Variants in SYNPO observed in about 807,000 individuals in gnomAD.
SYNPO encodes synaptopodin.
A neutral mutation model predicts 49.5 loss-of-function variants in SYNPO; 19 were observed. The observed-to-expected ratio is 0.38, with a 90% CI of 0.27 to 0.56. The LOEUF is 0.56. Among genes scored for constraint, SYNPO ranks in the 20% least tolerant of loss-of-function variants. The probability of loss-of-function intolerance (pLI) is 0.68; values close to 1 mark genes in which losing one functional copy is unlikely to be tolerated. For synonymous variants in SYNPO, 536 were observed against 548.0 expected, an observed-to-expected ratio of 0.98 and a Z score of 0.31; for missense variants, 1,131 against 1,248.3, an observed-to-expected ratio of 0.91 and a Z score of 1.42.
chr5:150,653,859 G>A (rs970401054), intron 2 of SYNPO: 1 of 152,214 alleles, frequency 6.6e-6, no homozygotes, highest in African/African-American at 2.4e-5. Context: ...TCCCTAGGGA[G>A]TCTCTAAGGG....
chr5:150,631,138 C>T (rs543799417), intron 2 of SYNPO, among the ~76,000 whole-genome samples: 152 of 152,320 alleles, frequency 1.0e-3, no homozygotes, highest in African/African-American at 3.4e-3. Flanking sequence ...CATGCATTTG[C>T]TCTTTTACTT....
At chr5:150,599,707 G>A (rs569188877), upstream of SYNPO, among the ~76,000 whole-genome samples, 1 of 152,174 alleles carries the variant, frequency 6.6e-6, no homozygotes, top group Non-Finnish European at 1.5e-5. Context: ...GGGGGTCGGC[G>A]GTGGGGGCTT....
At chr5:150,608,673 G>A (rs2151346031) in intron 1 of SYNPO, among the ~76,000 whole-genome samples, 1 of 152,226 alleles carries the variant, frequency 6.6e-6, no homozygotes, top group Admixed American at 6.5e-5. Flanking sequence ...CTTGCAAAGA[G>A]TGAGGGTTCC....
At chr5:150,628,067 G>GTGTGTGTGTGTGTGT (rs1561643388) in intron 2 of SYNPO, among the ~76,000 whole-genome samples, 96 of 126,784 alleles carry the variant, frequency 7.6e-4, no homozygotes, top group African/African-American at 2.8e-3. Flanking sequence ...TGTGTGTGTG[G>GTGTGTGTGTGTGTGT]TCAGAGTCTT....
At chr5:150,628,279 G>A (rs1020097490) in intron 2 of SYNPO, among the ~76,000 whole-genome samples, 1 of 152,156 alleles carries the variant, frequency 6.6e-6, no homozygotes, top group Non-Finnish European at 1.5e-5. Context: ...AGGCAGGGTC[G>A]TATAGTACTG....
chr5:150,651,626 G>A, intron 2 of SYNPO: 1 of 1,002,540 alleles, frequency 1.0e-6, no homozygotes, highest in Non-Finnish European at 1.2e-6. Context: ...GCTCAGGATT[G>A]CCTGGGGACA....
chr5:150,602,322 G>A (rs1047895892), intron 1 of SYNPO, among the ~76,000 whole-genome samples: 4 of 152,188 alleles, frequency 2.6e-5, no homozygotes, highest in African/African-American at 7.2e-5. Flanking sequence ...CCCCACAATG[G>A]CAGAGTTGGG....
chr5:150,600,441 G>C (rs1040717498), upstream of SYNPO, among the ~76,000 whole-genome samples: 3 of 152,240 alleles, frequency 2.0e-5, no homozygotes, highest in Non-Finnish European at 2.9e-5. Flanking sequence ...CCCTCCTGTT[G>C]AAAGAAGAAG....
rs528390188 is a variant in SYNPO, at chr5:150,605,783, C to G, written c.-266+4595C>G. On this transcript the variant is annotated intron_variant, in intron 1 of 2. Transcript: ENST00000394243. ...ATACACACACACACACACACACACA[C>G]AGATATGCACACACTGATACACAGA... is the stretch of plus-strand genomic sequence containing the variant. Among the ~76,000 whole-genome samples, 5 of 149,510 alleles carry G rather than the reference C, an allele frequency of 3.3e-5. No individual in the cohort carries two copies. The East Asian group carries it at 5.9e-4, about 18-fold the overall frequency.
intron 1 of SYNPO, among the ~76,000 whole-genome samples, chr5:150,604,070 G>A (rs1756625584): frequency 6.6e-6 from 1 of 152,186 alleles, no homozygotes; most frequent in Non-Finnish European, 1.5e-5. Flanking sequence ...CCATGATCAG[G>A]GGCATAGCCT....
Position 150,618,938 on chromosome 5 carries a change from G to A in SYNPO, c.400+171G>A, listed in dbSNP as rs115708574. On this transcript the variant is annotated intron_variant, in intron 2 of 2. Transcript: ENST00000394243. ...AGAGATAGGAGCGACAGCGAGCTAC[G>A]TGCAGTTCCAGCTGCACCACATCTA... Among the ~76,000 whole-genome samples the A allele has an allele frequency of 5.4e-3, 824 of 152,166 alleles. 4 individuals are homozygous for A. The highest frequency in any genetic ancestry group is 0.019 in the African/African-American group (769 of 41,500).
In SYNPO at chr5:150,649,861, T is replaced by A; in HGVS notation, c.1586T>A (p.Phe529Tyr). Residue 529 changes from phenylalanine to tyrosine, a missense_variant, in exon 2 of 3, where the codon TTC (phenylalanine) becomes TAC (tyrosine). By Grantham distance (22) the Phe-to-Tyr change is conservative. Transcript: ENST00000307662. ...WKYPTNAPGA[F>Y]RVASRSPART... ...TACCCCACTAACGCCCCCGGGGCCT[T>A]CCGAGTGGCATCCCGAAGCCCAGCC... 6.2e-7 allele frequency: 1 copy of A among 1,608,864 alleles called. No individual in the cohort carries two copies. The highest frequency in any genetic ancestry group is 8.5e-7 in the Non-Finnish European group (1 of 1,179,950).
Position 150,650,120 on chromosome 5 carries a change from G to A in SYNPO, c.1845G>A (p.Arg615=). The A allele has an allele frequency of 2.5e-6, 4 of 1,612,772 alleles. No individual in the cohort carries two copies. Among genetic ancestry groups the A allele is most frequent in the Non-Finnish European group, 3.4e-6 (4 of 1,179,640 alleles). ...GALPPSPALP[R]PSRSSPGLYT... ...TCCCTCCATCTCCTGCCCTGCCTCG[G>A]CCCTCGCGCTCCTCACCGGGCCTCT... Residue 615 remains arginine, a synonymous_variant, in exon 2 of 3, where the codon CGG becomes CGA. Coordinates refer to ENST00000307662, the MANE Select transcript of SYNPO (RefSeq NM_007286.6).
At chr5:150,586,874 A>G in the SYNPO span, among the ~76,000 whole-genome samples, 1 of 150,030 alleles carries the variant, frequency 6.7e-6, no homozygotes, top group East Asian at 2.0e-4. Context: ...ATGTGTATGT[A>G]GATGCATGTA....
At chr5:150,627,571 AATC>A (rs913886917) in intron 2 of SYNPO, among the ~76,000 whole-genome samples, 5 of 152,204 alleles carry the variant, frequency 3.3e-5, no homozygotes, top group South Asian at 2.1e-4. Flanking sequence ...GAAGCAAATA[AATC>A]ATCAAGATAA....
At chr5:150,638,234 T>G (rs1269889862), upstream of SYNPO, among the ~76,000 whole-genome samples, 1 of 152,198 alleles carries the variant, frequency 6.6e-6, no homozygotes, top group Admixed American at 6.5e-5. Context: ...CCTGGATTGC[T>G]TCATCCTAAT....
intron 2 of SYNPO, among the ~76,000 whole-genome samples, chr5:150,632,485 G>C (rs1757573597): frequency 6.6e-6 from 1 of 152,220 alleles, no homozygotes; most frequent in Non-Finnish European, 1.5e-5. Context: ...AGGAGGGGGA[G>C]GAGTGTGGAG....
intron 1 of SYNPO, chr5:150,615,240 A>G (rs1037569746): frequency 6.6e-6 from 1 of 151,668 alleles, no homozygotes; most frequent in African/African-American, 2.4e-5. Context: ...GCTCCTGCCA[A>G]CTCCTCCCTC....
At chr5:150,591,506 C>T in the SYNPO span, among the ~76,000 whole-genome samples, 1 of 152,210 alleles carries the variant, frequency 6.6e-6, no homozygotes, top group African/African-American at 2.4e-5. Context: ...AGGGCAGAAG[C>T]GCCGTCTCAG....
Sources: allele counts gnomAD v4.1 joint callset (sites outside exome capture counted in the v4.1 genomes callset), GRCh38; gene constraint gnomAD v4.1.1; transcripts MANE v1.5; gene names NCBI Gene and HGNC (gene_info 2026-07-23, HGNC 2026-07-21).